Variants in CFAP77 observed in about 807,000 individuals in gnomAD.
CFAP77 encodes the protein cilia- and flagella-associated protein 77.
CFAP77 carries 25 observed loss-of-function variants against 31.1 expected under a neutral mutation model. The observed-to-expected ratio is 0.80, with a 90% confidence interval of 0.59 to 1.12. CFAP77 has a LOEUF of 1.12. Ranked by LOEUF, CFAP77 falls within the 50% of genes most tolerant of loss-of-function variation. CFAP77 has a pLI of 0.00. For synonymous variants in CFAP77, 151 were observed against 159.9 expected, an observed-to-expected ratio of 0.94 and a Z score of 0.42; for missense variants, 377 against 397.3, an observed-to-expected ratio of 0.95 and a Z score of 0.44.
rs1222007066 is a variant in CFAP77 at position 132,501,266 on chromosome 9, C to A, written c.524+1666C>A. Among the ~76,000 whole-genome samples, 1 of 152,214 alleles carries A rather than the reference C, an allele frequency of 6.6e-6. No individual in the cohort carries two copies. Among genetic ancestry groups the A allele is most frequent in the African/African-American group, 2.4e-5 (1 of 41,446 alleles). ...GATTTTGGCTCCATTCTCTGAGAAG[C>A]TTCTTCCTCACCTGCAAATGGCCAG... is the stretch of plus-strand genomic sequence containing the variant. On this transcript the variant is annotated intron_variant, in intron 3 of 5. Coordinates refer to ENST00000393216, the MANE Select transcript of CFAP77 (RefSeq NM_001282957.2). The surrounding 1 kb of genome is among the most constrained non-coding windows in gnomAD (Gnocchi z 4.6).
intron 3 of CFAP77, among the ~76,000 whole-genome samples, chr9:132,518,784 C>G (rs1472470905): frequency 6.6e-6 from 1 of 152,200 alleles, no homozygotes; most frequent in African/African-American, 2.4e-5. Context: ...CTCATCCAAC[C>G]CACTTGCTGG....
At chr9:132,521,815 G>A (rs977995428) in intron 3 of CFAP77, among the ~76,000 whole-genome samples, 7 of 125,788 alleles carry the variant, frequency 5.6e-5, no homozygotes, top group Non-Finnish European at 1.1e-4. Context: ...CACCCAGGCT[G>A]GAGTATAGTG....
At chr9:132,453,941 G>C (rs934378661) in intron 1 of CFAP77, among the ~76,000 whole-genome samples, 1 of 152,206 alleles carries the variant, frequency 6.6e-6, no homozygotes, top group African/African-American at 2.4e-5. Flanking sequence ...TTATCAGCGT[G>C]TGTATTTGCA....
chr9:132,486,006 A>G (rs796929258), intron 1 of CFAP77, among the ~76,000 whole-genome samples: 13,054 of 30,218 alleles, frequency 0.43, 2,532 homozygotes, highest in East Asian at 0.62. Context: ...ATATATATAT[A>G]TATATATATA....
At chr9:132,486,391 C>A (rs1851559852) in intron 1 of CFAP77, among the ~76,000 whole-genome samples, 1 of 151,974 alleles carries the variant, frequency 6.6e-6, no homozygotes, top group Non-Finnish European at 1.5e-5. Context: ...CGCGCCCGGC[C>A]CACACACCTC....
rs1852840993 is a variant in CFAP77 at position 132,552,702 on chromosome 9, A to G, written c.732+9655A>G. 6.6e-6 allele frequency among the ~76,000 whole-genome samples: 1 copy of G among 151,744 alleles called. No homozygotes were observed. Among genetic ancestry groups the G allele is most frequent in the Non-Finnish European group, 1.5e-5 (1 of 67,916 alleles). ...CAGGGTGAGACTCCATCTCAAAAAA[A>G]AAAAAAAAAAGCAGAGTCCAGGGCC... On this transcript the variant is annotated intron_variant, in intron 5 of 5. Transcript: ENST00000393216. The surrounding 1 kb of genome is among the most constrained non-coding windows in gnomAD (Gnocchi z 5.5).
chr9:132,523,419 G>C (rs571733905), intron 3 of CFAP77, among the ~76,000 whole-genome samples: 1 of 152,104 alleles, frequency 6.6e-6, no homozygotes, highest in Non-Finnish European at 1.5e-5. Flanking sequence ...ACCCACGTTT[G>C]TGCAGAGGCA....
intron 3 of CFAP77, among the ~76,000 whole-genome samples, chr9:132,531,630 G>T (rs140616535): frequency 6.7e-5 from 10 of 149,142 alleles, no homozygotes; most frequent in East Asian, 4.0e-4. Context: ...AGACATGGGG[G>T]GGGGGGCATG....
In CFAP77 at chr9:132,482,169, T is replaced by G. The variant is rs1851458689; in HGVS notation, c.196-16526T>G. 18 of 591,914 alleles carry G rather than the reference T, an allele frequency of 3.0e-5. No individual in the cohort carries two copies. In the South Asian group the frequency reaches 3.9e-4, roughly 13 times the overall value. The allele number at this position is 591,914 out of a possible 1,614,324, so 36.7% of individuals were successfully genotyped here. On this transcript the variant is annotated intron_variant, in intron 1 of 5. Transcript: ENST00000393216. ...ATAGATCATTCTCTGCTTTTTCCTTTTCTCTCTTTCTTTCTTTCTTTTTTT... is the reference window on the plus strand; with the variant it reads ...ATAGATCATTCTCTGCTTTTTCCTTGTCTCTCTTTCTTTCTTTCTTTTTTT...
rs2118995356 is a variant in CFAP77 at position 132,511,773 on chromosome 9, AGCGGCCGC to A, written c.524+12179_524+12186del. On this transcript the variant is annotated intron_variant, in intron 3 of 5. Coordinates refer to ENST00000393216, the MANE Select transcript of CFAP77 (RefSeq NM_001282957.2). The surrounding 1 kb of genome is among the most constrained non-coding windows in gnomAD (Gnocchi z 5.8). ...CAATGGCTTAAAATAACAAAAATGA[AGCGGCCGC>A]GCGGCGGCTCACGCCTGTCATCCCA... Among the ~76,000 whole-genome samples the A allele has an allele frequency of 6.6e-6, 1 of 152,282 alleles. No individual in the cohort carries two copies. Among genetic ancestry groups the A allele is most frequent in the East Asian group, 1.9e-4 (1 of 5,172 alleles).
At chr9:132,484,577 G>A (rs998367590) in intron 1 of CFAP77, among the ~76,000 whole-genome samples, 6 of 152,212 alleles carry the variant, frequency 3.9e-5, no homozygotes, top group African/African-American at 7.2e-5. Context: ...CTTCATTCCC[G>A]GTTACGGCTG....
In CFAP77 at chr9:132,424,664, T is replaced by G. The variant is rs1850283783; in HGVS notation, c.195+14198T>G. On this transcript the variant is annotated intron_variant, in intron 1 of 5. Transcript: ENST00000393216. The surrounding 1 kb of genome is among the most constrained non-coding windows in gnomAD (Gnocchi z 4.1). Reference sequence around the variant, plus strand: ...AGGACCGCTCAAGGAGCCTTCACTTTGGGTGTCACCACTTGAAAGTTTAAA... The same window carrying G: ...AGGACCGCTCAAGGAGCCTTCACTTGGGGTGTCACCACTTGAAAGTTTAAA... 1.3e-5 allele frequency among the ~76,000 whole-genome samples: 2 copies of G among 152,208 alleles called. No individual in the cohort carries two copies. The highest frequency in any genetic ancestry group is 1.3e-4 in the Admixed American group (2 of 15,284).
intron 3 of CFAP77, among the ~76,000 whole-genome samples, chr9:132,505,699 C>T (rs1851919834): frequency 6.6e-6 from 1 of 152,120 alleles, no homozygotes; most frequent in Non-Finnish European, 1.5e-5. Flanking sequence ...GCAAGTGGAT[C>T]TGCGCTCTGC....
chr9:132,423,550 C>G (rs1458589488), intron 1 of CFAP77, among the ~76,000 whole-genome samples: 1 of 152,220 alleles, frequency 6.6e-6, no homozygotes, highest in Non-Finnish European at 1.5e-5. Flanking sequence ...AGAGGTCACA[C>G]AAATTGCCCA....
chr9:132,437,836 C>T (rs1019601408), intron 1 of CFAP77, among the ~76,000 whole-genome samples: 32 of 150,932 alleles, frequency 2.1e-4, no homozygotes, highest in Non-Finnish European at 1.3e-4. Flanking sequence ...GAGAGATCAC[C>T]CCGGGTGTGG....
intron 3 of CFAP77, among the ~76,000 whole-genome samples, chr9:132,502,284 G>A (rs1453715294): frequency 4.2e-5 from 5 of 120,114 alleles, no homozygotes; most frequent in African/African-American, 1.1e-4. Context: ...TTTTGGGGGA[G>A]GGGGGTGGTA....
chr9:132,493,099 T>G (rs1289855382), intron 1 of CFAP77, among the ~76,000 whole-genome samples: 1 of 152,122 alleles, frequency 6.6e-6, no homozygotes, highest in Non-Finnish European at 1.5e-5. Flanking sequence ...CAGGAACCCC[T>G]GGGGTTTCCT....
At position 132,424,412 on chromosome 9, in the gene CFAP77, A is replaced by G. The variant is rs1275379103; in HGVS notation, c.195+13946A>G. Among the ~76,000 whole-genome samples, 2 of 152,152 alleles carry G rather than the reference A, an allele frequency of 1.3e-5. No homozygotes were observed. The highest frequency in any genetic ancestry group is 2.9e-5 in the Non-Finnish European group (2 of 67,992). On this transcript the variant is annotated intron_variant, in intron 1 of 5. Transcript: ENST00000393216. This position sits in a 1 kb window ranked among gnomAD's most constrained non-coding sequence, Gnocchi z 4.1. ...GCAAGACTCCATCTCAAAACAAAAA[A>G]AAAAGAGTTAGGAAGAGGGAGCAGC...
At chr9:132,478,176 T>G (rs895805727) in intron 1 of CFAP77, among the ~76,000 whole-genome samples, 1 of 152,104 alleles carries the variant, frequency 6.6e-6, no homozygotes, top group African/African-American at 2.4e-5. Flanking sequence ...TTCTGCCCCA[T>G]GCGCCTCTTC....
Sources: allele counts gnomAD v4.1 joint callset (sites outside exome capture counted in the v4.1 genomes callset), GRCh38; gene constraint gnomAD v4.1.1; non-coding constraint Gnocchi (gnomAD v3.1); transcripts MANE v1.5; gene names NCBI Gene and HGNC (gene_info 2026-07-23, HGNC 2026-07-21).